Variants in LRRTM3 observed in about 807,000 individuals in gnomAD.
LRRTM3 encodes the protein leucine rich repeat transmembrane neuronal 3, also known as leucine-rich repeat transmembrane neuronal protein 3.
LRRTM3 carries 24 observed loss-of-function variants against 44.7 expected under a neutral mutation model. The observed-to-expected ratio is 0.54, with a 90% CI of 0.39 to 0.76. The LOEUF (loss-of-function observed/expected upper bound fraction) is 0.76. Among genes scored for constraint, LRRTM3 ranks in the 30% least tolerant of loss-of-function variants. The pLI, the probability that LRRTM3 is intolerant of heterozygous loss-of-function variation, is 0.00. For synonymous variants in LRRTM3, 277 were observed against 278.7 expected (o/e 0.99, Z 0.06); for missense variants, 587 against 702.2 (o/e 0.84, Z 1.85).
chr10:66,957,547 A>T (rs1848890248), intron 2 of LRRTM3, among the ~76,000 whole-genome samples: 1 of 151,404 alleles, frequency 6.6e-6, no homozygotes, highest in Admixed American at 6.6e-5. Flanking sequence ...TAGGGTAAAG[A>T]GTCCTGGGTC....
chr10:66,936,657 C>G (rs951506267), intron 2 of LRRTM3, among the ~76,000 whole-genome samples: 16 of 152,098 alleles, frequency 1.1e-4, no homozygotes, highest in Admixed American at 1.0e-3. Context: ...AACTCTACAG[C>G]GCAATCTAGT....
chr10:66,966,631 GA>G (rs1194346139), intron 2 of LRRTM3, among the ~76,000 whole-genome samples: 1 of 151,990 alleles, frequency 6.6e-6, no homozygotes, highest in African/African-American at 2.4e-5. Context: ...AATTTACGGC[GA>G]GGGGGAAGCA....
chr10:67,043,598 G>A (rs959357218), intron 2 of LRRTM3, among the ~76,000 whole-genome samples: 1 of 152,028 alleles, frequency 6.6e-6, no homozygotes, highest in Non-Finnish European at 1.5e-5. Context: ...TGTGCTGATC[G>A]TTCAGTCTGC....
intron 2 of LRRTM3, among the ~76,000 whole-genome samples, chr10:66,971,299 G>A (rs1448666833): frequency 6.6e-6 from 1 of 152,050 alleles, no homozygotes; most frequent in Non-Finnish European, 1.5e-5. Context: ...GGTTGTGTGA[G>A]CCTGTAATTC....
chr10:67,017,019 G>T (rs1482993477), intron 2 of LRRTM3, among the ~76,000 whole-genome samples: 2 of 152,126 alleles, frequency 1.3e-5, no homozygotes, highest in Non-Finnish European at 2.9e-5. Context: ...CTAGACACTT[G>T]GCTAGGTGCA....
intron 2 of LRRTM3, among the ~76,000 whole-genome samples, chr10:66,945,999 A>G (rs1171686934): frequency 6.6e-6 from 1 of 152,214 alleles, no homozygotes; most frequent in Non-Finnish European, 1.5e-5. Context: ...AATAGATATA[A>G]TAATCATGAA....
At chr10:66,933,344 G>A (rs780952759) in intron 2 of LRRTM3, among the ~76,000 whole-genome samples, 10 of 152,202 alleles carry the variant, frequency 6.6e-5, no homozygotes, top group South Asian at 2.1e-4. Flanking sequence ...ACCGACCAGC[G>A]AACACTAAAA....
chr10:66,944,402 G>A (rs940445544), intron 2 of LRRTM3, among the ~76,000 whole-genome samples: 8 of 151,986 alleles, frequency 5.3e-5, no homozygotes, highest in South Asian at 2.1e-4. Flanking sequence ...CTAGTTCCCC[G>A]CTATTTCCAC....
At chr10:66,939,853 T>C (rs778934761) in intron 2 of LRRTM3, among the ~76,000 whole-genome samples, 11 of 152,212 alleles carry the variant, frequency 7.2e-5, no homozygotes, top group Non-Finnish European at 1.2e-4. Context: ...AATTCCAAAC[T>C]AATTTCATTG....
At chr10:67,083,316 T>A (rs1857141238) in intron 2 of LRRTM3, among the ~76,000 whole-genome samples, 1 of 151,958 alleles carries the variant, frequency 6.6e-6, no homozygotes, top group South Asian at 2.1e-4. Context: ...GACCAAGCAA[T>A]CAATATAATG....
chr10:67,069,579 C>T lies in LRRTM3; in HGVS notation c.1537-28008C>T, dbSNP rs1393865890. ...CCCGCCCCACCCCACCCCACCCCAC[C>T]CCACCCAGTCCCTGCCCAGAGTAAA... On this transcript the variant is annotated intron_variant, in intron 2 of 2. Transcript: ENST00000361320. 4.8e-5 allele frequency among the ~76,000 whole-genome samples: 7 copies of T among 145,448 alleles called. No homozygotes were observed. In the Admixed American group the frequency reaches 4.9e-4, roughly 10 times the overall value.
At chr10:66,951,377 G>A (rs1288007893) in intron 2 of LRRTM3, among the ~76,000 whole-genome samples, 1 of 152,048 alleles carries the variant, frequency 6.6e-6, no homozygotes. Context: ...CTGCCTCCCA[G>A]AGTGCTGGGA....
intron 2 of LRRTM3, among the ~76,000 whole-genome samples, chr10:67,004,817 C>T (rs748092851): frequency 1.3e-5 from 2 of 152,110 alleles, no homozygotes; most frequent in Non-Finnish European, 2.9e-5. Flanking sequence ...GTTTCTGATG[C>T]TTTGTTTAAA....
chr10:66,986,022 G>T (rs559557461), intron 2 of LRRTM3, among the ~76,000 whole-genome samples: 2 of 152,002 alleles, frequency 1.3e-5, no homozygotes, highest in Non-Finnish European at 2.9e-5. Flanking sequence ...CACCATGCCT[G>T]GCCTCACATT....
chr10:67,080,309 A>G (rs1248694293), intron 2 of LRRTM3, among the ~76,000 whole-genome samples: 1 of 152,132 alleles, frequency 6.6e-6, no homozygotes, highest in Non-Finnish European at 1.5e-5. Flanking sequence ...CAGCAGGTTA[A>G]TTTCTACCTT....
intron 2 of LRRTM3, among the ~76,000 whole-genome samples, chr10:66,972,103 G>A (rs887458714): frequency 6.6e-6 from 1 of 151,918 alleles, no homozygotes; most frequent in Non-Finnish European, 1.5e-5. Flanking sequence ...GTTTAGTGTT[G>A]CCATAGCACA....
chr10:67,070,857 T>C (rs1856411976), intron 2 of LRRTM3, among the ~76,000 whole-genome samples: 3 of 152,230 alleles, frequency 2.0e-5, no homozygotes, highest in African/African-American at 7.2e-5. Context: ...GTTTACTATA[T>C]TCTTTTTTTC....
At chr10:66,934,306 G>A (rs1297710655) in intron 2 of LRRTM3, among the ~76,000 whole-genome samples, 2 of 151,862 alleles carry the variant, frequency 1.3e-5, no homozygotes, top group East Asian at 1.9e-4. Flanking sequence ...TCCCAATCAG[G>A]ATTCTCATTT....
intron 2 of LRRTM3, among the ~76,000 whole-genome samples, chr10:67,084,573 A>G (rs1318032723): frequency 6.6e-6 from 1 of 151,978 alleles, no homozygotes; most frequent in African/African-American, 2.4e-5. Context: ...CTGATCCTAC[A>G]TTAGATTTCC....
Sources: gnomAD v4.1 joint callset for allele counts (sites outside exome capture counted in the v4.1 genomes callset) on GRCh38, gnomAD v4.1.1 for gene constraint, MANE v1.5 for transcripts, NCBI Gene and HGNC (gene_info 2026-07-23, HGNC 2026-07-21) for gene names.